DGKB: variants seen among roughly 807,000 people sequenced by gnomAD.
DGKB encodes the protein diacylglycerol kinase beta, also known as 90 kDa diacylglycerol kinase.
In DGKB, 67 loss-of-function variants were observed where a neutral mutation model predicts 114.3. The ratio of observed to expected loss-of-function variants is 0.59; its 90% CI spans 0.48 to 0.72. The LOEUF (loss-of-function observed/expected upper bound fraction) is 0.72, where lower values mean the gene tolerates loss of function less well. DGKB is among the 30% of genes least tolerant of loss of function. The pLI, the probability that DGKB is intolerant of heterozygous loss-of-function variation, is 0.00. For missense variants in DGKB, 907 were observed against 975.2 expected, an observed-to-expected ratio of 0.93 and a Z score of 0.93; for synonymous variants, 398 against 323.1, an observed-to-expected ratio of 1.23 and a Z score of -2.49.
In DGKB at chr7:14,726,275, G is replaced by C. The variant is rs561950754; in HGVS notation, c.323-7590C>G. Among the ~76,000 whole-genome samples the C allele has an allele frequency of 5.9e-5, 9 of 152,176 alleles. 1 individual carries two copies. In the East Asian group the frequency reaches 1.7e-3, roughly 30 times the overall value. The stretch of plus-strand genomic sequence containing the variant: ...CTGCCTCAGCCTCCCAGGTAGCTGG[G>C]ATTATAGGCACCTGCCACCACACCC... On this transcript the variant is annotated intron_variant, in intron 5 of 25. Coordinates refer to ENST00000402815, the MANE Select transcript of DGKB (RefSeq NM_001350709.2).
chr7:14,391,583 C>T (rs536661931), intron 21 of DGKB, among the ~76,000 whole-genome samples: 53 of 152,000 alleles, frequency 3.5e-4, no homozygotes, highest in African/African-American at 9.4e-4. Context: ...CCCATAGTCC[C>T]AGCTACTCAG....
chr7:14,269,271 T>TG (rs1362864944), intron 23 of DGKB: 1 of 152,220 alleles, frequency 6.6e-6, no homozygotes, highest in African/African-American at 2.4e-5. Flanking sequence ...ACACTAACAC[T>TG]TGTGCTTTAT....
intron 20 of DGKB, among the ~76,000 whole-genome samples, chr7:14,536,955 T>A (rs549647524): frequency 6.6e-6 from 1 of 151,928 alleles, no homozygotes; most frequent in Non-Finnish European, 1.5e-5. Context: ...GAATTAAAAA[T>A]CAAAATGAAT....
At chr7:14,550,920 C>T (rs1282290792) in intron 20 of DGKB, among the ~76,000 whole-genome samples, 3 of 152,274 alleles carry the variant, frequency 2.0e-5, no homozygotes, top group Middle Eastern at 3.4e-3. Flanking sequence ...TTATATTCAT[C>T]TCACGACTAG....
chr7:14,408,185 G>T (rs1228332724), intron 21 of DGKB, among the ~76,000 whole-genome samples: 1 of 152,112 alleles, frequency 6.6e-6, no homozygotes, highest in Non-Finnish European at 1.5e-5. Flanking sequence ...CTCAGTTGAA[G>T]TTTTGGTCTC....
intron 2 of DGKB, among the ~76,000 whole-genome samples, chr7:14,838,127 T>A (rs1452312805): frequency 6.6e-6 from 1 of 152,170 alleles, no homozygotes; most frequent in Non-Finnish European, 1.5e-5. Context: ...ACCACTTGTT[T>A]TAGGAATTTT....
rs967905035 is a variant in DGKB, at chr7:14,307,245, T to A, written c.2122+31270A>T. Among the ~76,000 whole-genome samples the A allele has an allele frequency of 2.8e-5, 4 of 142,510 alleles. No individual in the cohort carries two copies. In the East Asian group the frequency reaches 8.6e-4, roughly 31 times the overall value. The allele number at this position is 142,510 out of a possible 152,430, so 93.5% of individuals were successfully genotyped here. ...AATAACTGTGATCACTATCTCAAAC[T>A]ATACCTCTTTCTAATTTCTAAAACA... is the stretch of plus-strand genomic sequence containing the variant. On this transcript the variant is annotated intron_variant, in intron 23 of 25. Transcript: ENST00000402815.
At chr7:14,474,450 G>A (rs968575113) in intron 21 of DGKB, among the ~76,000 whole-genome samples, 2 of 152,184 alleles carry the variant, frequency 1.3e-5, no homozygotes, top group Non-Finnish European at 2.9e-5. Context: ...CGTGAAAACA[G>A]AGTAATACAC....
At chr7:14,589,214 CAT>C (rs1393222632) in intron 17 of DGKB, among the ~76,000 whole-genome samples, 1 of 151,730 alleles carries the variant, frequency 6.6e-6, no homozygotes, top group African/African-American at 2.4e-5. Flanking sequence ...CATATATAAA[CAT>C]ATTTGAGTGT....
intron 20 of DGKB, among the ~76,000 whole-genome samples, chr7:14,570,515 G>A (rs1166161840): frequency 6.6e-6 from 1 of 152,056 alleles, no homozygotes; most frequent in Non-Finnish European, 1.5e-5. Flanking sequence ...TTGACTGGAA[G>A]CCTTACCAAT....
intron 20 of DGKB, among the ~76,000 whole-genome samples, chr7:14,535,348 G>A (rs1408282660): frequency 6.8e-6 from 1 of 146,940 alleles, no homozygotes; most frequent in East Asian, 2.0e-4. Context: ...TGGCCTGGGT[G>A]ACAGAGTAAG....
At chr7:14,507,347 C>G (rs529391434) in intron 20 of DGKB, among the ~76,000 whole-genome samples, 123 of 152,090 alleles carry the variant, frequency 8.1e-4, no homozygotes, top group African/African-American at 2.9e-3. Context: ...GGGCATATTG[C>G]CAGTTTTAAT....
At chr7:14,582,463 A>G (rs537065744) in intron 18 of DGKB, among the ~76,000 whole-genome samples, 2 of 152,308 alleles carry the variant, frequency 1.3e-5, no homozygotes, top group East Asian at 3.9e-4. Flanking sequence ...TTCTAATCTC[A>G]GCTCTCTCAG....
chr7:14,472,264 G>A (rs201151007), intron 21 of DGKB, among the ~76,000 whole-genome samples: 2 of 152,124 alleles, frequency 1.3e-5, no homozygotes, highest in East Asian at 3.9e-4. Context: ...GAATCATGGA[G>A]GCAGGTCTTT....
chr7:14,931,300 A>G (rs1382576145), intron 1 of DGKB, among the ~76,000 whole-genome samples: 1 of 151,680 alleles, frequency 6.6e-6, no homozygotes, highest in African/African-American at 2.4e-5. Flanking sequence ...TTAGTAGAGA[A>G]AGAGTTTCAC....
intron 4 of DGKB, among the ~76,000 whole-genome samples, chr7:14,745,054 G>A (rs1833074767): frequency 6.6e-6 from 1 of 152,132 alleles, no homozygotes; most frequent in African/African-American, 2.4e-5. Context: ...GACCAAAGGA[G>A]CAAACCAAAG....
intron 21 of DGKB, among the ~76,000 whole-genome samples, chr7:14,448,947 G>T (rs778418526): frequency 7.9e-5 from 12 of 152,106 alleles, no homozygotes; most frequent in African/African-American, 2.9e-4. Context: ...ATTTTCAGCA[G>T]TATGAGCATG....
chr7:14,250,558 A>AACTAACATAT (rs1263775797), intron 23 of DGKB, among the ~76,000 whole-genome samples: 1 of 152,158 alleles, frequency 6.6e-6, no homozygotes, highest in Non-Finnish European at 1.5e-5. Flanking sequence ...AAAATGTGTG[A>AACTAACATAT]ACTAACATAT....
At position 14,383,905 on chromosome 7, in the gene DGKB, C is replaced by T. The variant is rs73679719; in HGVS notation, c.1836-38514G>A. ...AGTGGTGTCATTTGGCACAGCCTGT[C>T]AACAGAGGACATGTTAATTGGCATT... On this transcript the variant is annotated intron_variant, in intron 21 of 25. Coordinates refer to ENST00000402815, the MANE Select transcript of DGKB (RefSeq NM_001350709.2). Among the ~76,000 whole-genome samples the T allele has an allele frequency of 9.5e-3, 1,454 of 152,260 alleles. 24 individuals are homozygous for T. Among genetic ancestry groups the T allele is most frequent in the African/African-American group, 0.033 (1,367 of 41,546 alleles).
Sources: gnomAD v4.1 joint callset for allele counts (sites outside exome capture counted in the v4.1 genomes callset) on GRCh38, gnomAD v4.1.1 for gene constraint, MANE v1.5 for transcripts, NCBI Gene and HGNC (gene_info 2026-07-23, HGNC 2026-07-21) for gene names.